Variants in PCDHA1 observed in about 807,000 individuals in gnomAD.
The protein encoded by PCDHA1 is protocadherin alpha-1.
In PCDHA1, 42 loss-of-function variants were observed where a neutral mutation model predicts 61.3. The ratio of observed to expected loss-of-function variants is 0.69; its 90% CI spans 0.54 to 0.89. The LOEUF (loss-of-function observed/expected upper bound fraction) is 0.89, where lower values mean the gene tolerates loss of function less well. PCDHA1 is among the 40% of genes least tolerant of loss of function. The probability of loss-of-function intolerance (pLI) is 0.00; values close to 1 mark genes in which losing one functional copy is unlikely to be tolerated. For missense variants in PCDHA1, 1,256 were observed against 1,235.3 expected, an observed-to-expected ratio of 1.02 and a Z score of -0.25; for synonymous variants, 610 against 553.8, an observed-to-expected ratio of 1.10 and a Z score of -1.43.
chr5:140,873,126 G>A (rs2054115570), intron 1 of PCDHA1, among the ~76,000 whole-genome samples: 1 of 152,124 alleles, frequency 6.6e-6, no homozygotes, highest in Admixed American at 6.5e-5. Context: ...AATATTCAAA[G>A]AGTCTATGCT....
chr5:140,828,700 G>T (rs2150158039), intron 1 of PCDHA1: 3 of 1,614,210 alleles, frequency 1.9e-6, no homozygotes, highest in Non-Finnish European at 2.5e-6. Flanking sequence ...TGGACAGAGA[G>T]GAAGCTCCTG....
At chr5:140,993,917 A>G (rs779939413) in intron 3 of PCDHA1, among the ~76,000 whole-genome samples, 1 of 152,190 alleles carries the variant, frequency 6.6e-6, no homozygotes, top group Admixed American at 6.5e-5. Flanking sequence ...CTAGTGATGC[A>G]TTTCTCAGAA....
At chr5:140,884,622 G>A (rs781857198) in intron 1 of PCDHA1, 1 of 1,613,948 alleles carries the variant, frequency 6.2e-7, no homozygotes, top group Non-Finnish European at 8.5e-7. Context: ...TCTGCAGAGG[G>A]AACAGGCCAG....
intron 1 of PCDHA1, chr5:140,857,619 A>G: frequency 6.3e-7 from 1 of 1,596,352 alleles, no homozygotes; most frequent in Non-Finnish European, 8.6e-7. Flanking sequence ...CCGCTGGACC[A>G]CGAGGAGCTG....
intron 1 of PCDHA1, among the ~76,000 whole-genome samples, chr5:140,944,593 TG>T: frequency 6.6e-6 from 1 of 152,318 alleles, no homozygotes; most frequent in South Asian, 2.1e-4. Flanking sequence ...AGAATTTCCC[TG>T]GGTAGAGTAG....
chr5:140,819,038 T>C (rs1554127598), intron 1 of PCDHA1, among the ~76,000 whole-genome samples: 1 of 152,230 alleles, frequency 6.6e-6, no homozygotes, highest in Non-Finnish European at 1.5e-5. Context: ...CATTCCCTTA[T>C]AGGGCAGTTA....
intron 1 of PCDHA1, chr5:140,814,690 G>A (rs1224491954): frequency 6.6e-6 from 1 of 152,090 alleles, no homozygotes; most frequent in African/African-American, 2.4e-5. Context: ...ACAACATTAT[G>A]ACTGCTACAT....
intron 3 of PCDHA1, among the ~76,000 whole-genome samples, chr5:141,002,660 T>C (rs1366913026): frequency 1.3e-5 from 2 of 152,170 alleles, no homozygotes; most frequent in Admixed American, 1.3e-4. Context: ...AGGGCTCTTG[T>C]CAGGACCAAA....
chr5:140,801,672 G>A, intron 1 of PCDHA1: 2 of 1,614,244 alleles, frequency 1.2e-6, no homozygotes. Flanking sequence ...GGGCGCATCA[G>A]ATGCAGATAT....
At chr5:140,980,237 A>C (rs1159780134) in intron 2 of PCDHA1, among the ~76,000 whole-genome samples, 1 of 152,238 alleles carries the variant, frequency 6.6e-6, no homozygotes, top group Non-Finnish European at 1.5e-5. Context: ...GTTGGTGGAG[A>C]CATGCAATGG....
At chr5:140,927,592 G>A in intron 1 of PCDHA1, 5 of 1,614,170 alleles carry the variant, frequency 3.1e-6, no homozygotes, top group Non-Finnish European at 4.2e-6. Context: ...GCCTGTATTT[G>A]AGCGCTCCGT....
Position 140,950,516 on chromosome 5 carries a change from G to A in PCDHA1, c.2395-28433G>A, listed in dbSNP as rs184772904. ...ATTTAAGTCATTATTCCCTGTGTGCGATATGATTGTTTTTGTTGCTCTTGC... is the reference window on the plus strand; with the variant it reads ...ATTTAAGTCATTATTCCCTGTGTGCAATATGATTGTTTTTGTTGCTCTTGC... On this transcript the variant is annotated intron_variant, in intron 1 of 3. Coordinates refer to ENST00000504120, the MANE Select transcript of PCDHA1 (RefSeq NM_018900.4). Among the ~76,000 whole-genome samples, 6 of 152,110 alleles carry A rather than the reference G, an allele frequency of 3.9e-5. No individual in the cohort carries two copies. The East Asian group carries it at 9.6e-4, about 24-fold the overall frequency.
In PCDHA1 at chr5:140,787,592, G is replaced by A. The variant is rs144742806; in HGVS notation, c.1302G>A (p.Ser434=). 1.7e-5 allele frequency: 27 copies of A among 1,614,018 alleles called. No individual in the cohort carries two copies. In the East Asian group the frequency reaches 4.5e-4, roughly 27 times the overall value. ...VVTARDGGSP[S]LWATARVSVE... Reference sequence around the variant, plus strand: ...CCGCGCGGGACGGGGGCTCGCCTTCGCTGTGGGCCACGGCCAGGGTGTCCG... The same window carrying A: ...CCGCGCGGGACGGGGGCTCGCCTTCACTGTGGGCCACGGCCAGGGTGTCCG... The change falls in exon 1 of 4, where the codon TCG becomes TCA. Residue 434 remains serine (S), a synonymous_variant. Coordinates refer to ENST00000504120, the MANE Select transcript of PCDHA1 (RefSeq NM_018900.4).
At position 140,795,001 on chromosome 5, in the gene PCDHA1, A is replaced by G. The variant is rs1554119218; in HGVS notation, c.2394+6317A>G. On this transcript the variant is annotated intron_variant, in intron 1 of 3. Transcript: ENST00000504120. ...TATCAGAAGGGGCCGAGGGGCCTGGACACGGCTGCTCTCGCTTCTGCTCCT... is the reference window on the plus strand; with the variant it reads ...TATCAGAAGGGGCCGAGGGGCCTGGGCACGGCTGCTCTCGCTTCTGCTCCT... 1.9e-6 allele frequency: 3 copies of G among 1,613,710 alleles called. No homozygotes were observed. In the Admixed American group the frequency reaches 5.0e-5, roughly 27 times the overall value.
chr5:140,924,902 AAAATAAAAT>A (rs1211271652), intron 1 of PCDHA1, among the ~76,000 whole-genome samples: 3 of 39,024 alleles, frequency 7.7e-5, no homozygotes, highest in African/African-American at 2.3e-4. Context: ...CTCAAAAAAA[AAAATAAAAT>A]AAAATAAAAT....
At chr5:140,901,137 A>T (rs2068464747) in intron 1 of PCDHA1, among the ~76,000 whole-genome samples, 1 of 151,974 alleles carries the variant, frequency 6.6e-6, no homozygotes, top group South Asian at 2.1e-4. Flanking sequence ...TAGATTGTAA[A>T]TATTTTCTCT....
chr5:140,858,642 T>C, intron 1 of PCDHA1: 1 of 930,744 alleles, frequency 1.1e-6, no homozygotes, highest in South Asian at 1.9e-5. Context: ...CTTTGATTGG[T>C]ACTTAAATTT....
chr5:140,828,648 G>C (rs1769869572), intron 1 of PCDHA1: 1 of 1,614,194 alleles, frequency 6.2e-7, no homozygotes, highest in Non-Finnish European at 8.5e-7. Flanking sequence ...AAAATAAACA[G>C]TGATGACAAT....
chr5:140,845,350 T>C (rs1779833131), intron 1 of PCDHA1, among the ~76,000 whole-genome samples: 1 of 149,732 alleles, frequency 6.7e-6, no homozygotes, highest in South Asian at 2.1e-4. Context: ...AAACATTTAA[T>C]TGACTTTTAC....
Sources: gnomAD v4.1 joint callset for allele counts (sites outside exome capture counted in the v4.1 genomes callset) on GRCh38, gnomAD v4.1.1 for gene constraint, MANE v1.5 for transcripts, NCBI Gene and HGNC (gene_info 2026-07-23, HGNC 2026-07-21) for gene names.